The following PRTG variants were observed in gnomAD, a reference collection of about 807,000 sequenced individuals.
PRTG encodes immunoglobulin superfamily, DCC subclass, member 5.
PRTG carries 67 observed loss-of-function variants against 122.5 expected under a neutral mutation model. That is an observed-to-expected ratio of 0.55 (90% CI 0.45 to 0.67). The LOEUF (loss-of-function observed/expected upper bound fraction) is 0.67, where lower values mean the gene tolerates loss of function less well. Ranked by LOEUF, PRTG falls within the 30% of genes least tolerant of loss-of-function variation. The probability of loss-of-function intolerance (pLI) is 0.00; values close to 1 mark genes in which losing one functional copy is unlikely to be tolerated. For missense variants in PRTG, 1,435 were observed against 1,415.4 expected, an observed-to-expected ratio of 1.01 and a Z score of -0.22; for synonymous variants, 554 against 501.1, an observed-to-expected ratio of 1.11 and a Z score of -1.41.
At chr15:55,670,164 A>ATG (rs1472509116) in intron 11 of PRTG, among the ~76,000 whole-genome samples, 1 of 152,152 alleles carries the variant, frequency 6.6e-6, no homozygotes, top group Non-Finnish European at 1.5e-5. Flanking sequence ...ATATGCATAT[A>ATG]TGTATCTGTA....
chr15:55,672,375 T>A (rs2059476956), intron 11 of PRTG, 70 bp downstream of exon 11: 1 of 1,233,422 alleles, frequency 8.1e-7, no homozygotes, highest in South Asian at 1.4e-5. Context: ...CTGCTTTAGA[T>A]CCAATAACTT....
Position 55,638,573 on chromosome 15 carries a change from C to G in PRTG, c.2428G>C (p.Val810Leu), listed in dbSNP as rs780955691. The change falls in exon 14 of 20, where the codon GTC becomes CTC. Residue 810 changes from valine to leucine, a missense_variant. Physicochemically the swap from Val to Leu is conservative, Grantham distance 32 (BLOSUM62 1). Coordinates refer to ENST00000389286, the MANE Select transcript of PRTG (RefSeq NM_173814.6). ...CCTTCTGGAAGAGTAGAATGGTAGACTACAGGGCTCCAAGGACTGGAAAGC... is the reference window on the plus strand; with the variant it reads ...CCTTCTGGAAGAGTAGAATGGTAGAGTACAGGGCTCCAAGGACTGGAAAGC... ...DQLSSPWSPV[V>L]YHSTLPEAPA... The G allele has an allele frequency of 1.9e-6, 3 of 1,612,842 alleles. No individual in the cohort carries two copies. Among genetic ancestry groups the G allele is most frequent in the South Asian group, 1.1e-5 (1 of 90,924 alleles).
intron 11 of PRTG, among the ~76,000 whole-genome samples, chr15:55,662,690 C>G (rs2059416605): frequency 6.6e-6 from 1 of 152,068 alleles, no homozygotes; most frequent in Non-Finnish European, 1.5e-5. Flanking sequence ...AGAGATACAT[C>G]TCAGAAAATG....
intron 8 of PRTG, 133 bp downstream of exon 8, chr15:55,677,664 T>C (rs932067151): frequency 1.4e-6 from 1 of 734,874 alleles, no homozygotes; most frequent in Non-Finnish European, 2.2e-6. Context: ...GGTGATAGAT[T>C]ATTTTATCAA....
In PRTG at chr15:55,672,476, G is replaced by A; in HGVS notation, c.2010C>T (p.Thr670=). The A allele has an allele frequency of 6.2e-7, 1 of 1,613,990 alleles. No homozygotes were observed. The highest frequency in any genetic ancestry group is 2.2e-5 in the East Asian group (1 of 44,874). The change falls in exon 11 of 20, where the codon ACC becomes ACT. Residue 670 remains threonine, a synonymous_variant. Coordinates refer to ENST00000389286, the MANE Select transcript of PRTG (RefSeq NM_173814.6). ...CACTGAGAGTATAGAGTAGGTCCTTGGTATCCAAGAAAATGGGCCCATTCT... is the reference window on the plus strand; with the variant it reads ...CACTGAGAGTATAGAGTAGGTCCTTAGTATCCAAGAAAATGGGCCCATTCT... ...QQENGPIFLD[T]KDLLYTLSGL...
chr15:55,626,086 A>T (rs1357759871), intron 17 of PRTG, among the ~76,000 whole-genome samples: 1 of 152,052 alleles, frequency 6.6e-6, no homozygotes. Flanking sequence ...TTTTAAACCA[A>T]AGGATATTCT....
chr15:55,740,205 T>A (rs2141898018), intron 2 of PRTG, among the ~76,000 whole-genome samples, 177 bp downstream of exon 2: 1 of 152,370 alleles, frequency 6.6e-6, no homozygotes, highest in South Asian at 2.1e-4. Flanking sequence ...ATTACTCATT[T>A]GAATTTATAT....
At chr15:55,669,106 A>T (rs2059454173) in intron 11 of PRTG, among the ~76,000 whole-genome samples, 1 of 152,126 alleles carries the variant, frequency 6.6e-6, no homozygotes, top group Non-Finnish European at 1.5e-5. Flanking sequence ...AACTGTGTGT[A>T]TTACCAAGGA....
At chr15:55,652,648 A>T (rs1035512000) in intron 11 of PRTG, among the ~76,000 whole-genome samples, 8 of 152,204 alleles carry the variant, frequency 5.3e-5, no homozygotes, top group Non-Finnish European at 1.2e-4. Flanking sequence ...GCCCAGCAGC[A>T]GAGGAGCAGG....
intron 11 of PRTG, among the ~76,000 whole-genome samples, chr15:55,663,545 T>A (rs1299022040): frequency 2.6e-5 from 4 of 151,822 alleles, no homozygotes; most frequent in Non-Finnish European, 5.9e-5. Context: ...TTTTCTTTTT[T>A]TTTTTTTGGT....
chr15:55,723,349 C>A (rs1416057666), intron 2 of PRTG, among the ~76,000 whole-genome samples: 1 of 129,456 alleles, frequency 7.7e-6, no homozygotes, highest in African/African-American at 2.9e-5. Context: ...AAACATGAAA[C>A]AAAAGACACA....
intron 2 of PRTG, among the ~76,000 whole-genome samples, chr15:55,729,857 T>C (rs1276872905): frequency 6.6e-6 from 1 of 152,154 alleles, no homozygotes; most frequent in African/African-American, 2.4e-5. Context: ...TGGACAGATG[T>C]ATCAACAAAT....
chr15:55,680,371 A>C, intron 5 of PRTG, 120 bp downstream of exon 5: 1 of 1,233,234 alleles, frequency 8.1e-7, no homozygotes, highest in Non-Finnish European at 1.1e-6. Flanking sequence ...TGCCAAAAAA[A>C]TTAAGACATT....
rs746195422 is a variant in PRTG at position 55,683,846 on chromosome 15, G to A, written c.483C>T (p.His161=). 13 of 1,613,906 alleles carry A rather than the reference G, an allele frequency of 8.1e-6. No individual in the cohort carries two copies. The highest frequency in any genetic ancestry group is 1.1e-5 in the Non-Finnish European group (13 of 1,179,834). ...ACTCCCATGTTATGACTGCAGGAGGGTGGGATGAAATCTTGCATGCAAATC... is the reference window on the plus strand; with the variant it reads ...ACTCCCATGTTATGACTGCAGGAGGATGGGATGAAATCTTGCATGCAAATC... ...VARFACKISS[H]PPAVITWEFN... The change falls in exon 3 of 20, where the codon CAC becomes CAT. Residue 161 remains histidine (H), a synonymous_variant. Transcript: ENST00000389286.
chr15:55,702,074 T>C lies in PRTG; in HGVS notation c.398-18143A>G, dbSNP rs564761219. ...AACTATAGATTTGAAAGACAGAATT[T>C]ACTATATGTAAACTTTAAAAATAAA... On this transcript the variant is annotated intron_variant, in intron 2 of 19. Coordinates refer to ENST00000389286, the MANE Select transcript of PRTG (RefSeq NM_173814.6). Among the ~76,000 whole-genome samples, 12 of 152,302 alleles carry C rather than the reference T, an allele frequency of 7.9e-5. No homozygotes were observed. In the South Asian group the frequency reaches 1.9e-3, roughly 24 times the overall value.
chr15:55,679,627 T>C (rs1168459981), intron 6 of PRTG, 182 bp from the exon 7 acceptor site: 6 of 523,646 alleles, frequency 1.1e-5, no homozygotes, highest in Admixed American at 6.8e-5. Context: ...CAGTGTTCAC[T>C]TCCTCCATGA....
At chr15:55,681,980 T>C (rs1018246133) in intron 4 of PRTG, among the ~76,000 whole-genome samples, 4 of 152,138 alleles carry the variant, frequency 2.6e-5, no homozygotes, top group Admixed American at 6.5e-5. Flanking sequence ...ATGATTTACA[T>C]AGAATTTACA....
At chr15:55,723,417 A>G (rs2030903271) in intron 2 of PRTG, among the ~76,000 whole-genome samples, 2 of 151,288 alleles carry the variant, frequency 1.3e-5, no homozygotes, top group African/African-American at 4.8e-5. Flanking sequence ...AAGGGTGAAT[A>G]GATTCTAAGA....
chr15:55,662,815 C>T (rs1387142284), intron 11 of PRTG, among the ~76,000 whole-genome samples: 1 of 152,188 alleles, frequency 6.6e-6, no homozygotes, highest in Non-Finnish European at 1.5e-5. Flanking sequence ...TGACTAGTTT[C>T]TTCTGCTGAA....
Sources: allele counts gnomAD v4.1 joint callset (sites outside exome capture counted in the v4.1 genomes callset), GRCh38; gene constraint gnomAD v4.1.1; transcripts MANE v1.5; gene names NCBI Gene and HGNC (gene_info 2026-07-23, HGNC 2026-07-21).